Variants in B3GALT5 observed in about 807,000 individuals in gnomAD.
B3GALT5 encodes UDP-Gal:betaGlcNAc beta 1,3-galactosyltransferase, polypeptide 5.
For synonymous variants in B3GALT5, 156 were observed against 158.6 expected, an observed-to-expected ratio of 0.98 and a Z score of 0.12; for missense variants, 328 against 396.6, an observed-to-expected ratio of 0.83 and a Z score of 1.47.
rs190835844 is a variant in B3GALT5 at position 39,656,972 on chromosome 21, G to C, written c.-160-2781G>C. 5.6e-4 allele frequency among the ~76,000 whole-genome samples: 86 copies of C among 152,350 alleles called. No homozygotes were observed. The East Asian group carries it at 0.016, about 28-fold the overall frequency. Reference sequence around the variant, plus strand: ...TGCCCTTCAGGCACTATGGCCAGAAGGGGGGCAGTGACCTAGGCAGAGGGC... The same window carrying C: ...TGCCCTTCAGGCACTATGGCCAGAACGGGGGCAGTGACCTAGGCAGAGGGC... On this transcript the variant is annotated intron_variant, in intron 2 of 3. Coordinates refer to ENST00000684187, the MANE Select transcript of B3GALT5 (RefSeq NM_001356336.2).
At chr21:39,634,723 G>A (rs1333704722) in intron 1 of B3GALT5, among the ~76,000 whole-genome samples, 1 of 152,158 alleles carries the variant, frequency 6.6e-6, no homozygotes, top group African/African-American at 2.4e-5. Context: ...GGTTCTCAAA[G>A]TGTTGCCTGG....
intron 2 of B3GALT5, among the ~76,000 whole-genome samples, chr21:39,652,747 A>AT (rs2079407432): frequency 6.6e-6 from 1 of 152,244 alleles, no homozygotes; most frequent in Non-Finnish European, 1.5e-5. Flanking sequence ...TATCTGGCCA[A>AT]CTGATGTGTA....
intron 1 of B3GALT5, among the ~76,000 whole-genome samples, chr21:39,635,227 G>A (rs1602267170): frequency 6.6e-6 from 1 of 152,078 alleles, no homozygotes; most frequent in South Asian, 2.1e-4. Context: ...TGTTAGTGTT[G>A]GGAGGTAGCT....
At position 39,661,398 on chromosome 21, in the gene B3GALT5, G is replaced by A. The variant is rs200631873; in HGVS notation, c.839G>A (p.Arg280Lys). 2.6e-5 allele frequency: 41 copies of A among 1,574,518 alleles called. No individual in the cohort carries two copies. The Admixed American group carries it at 5.0e-4, about 19-fold the overall frequency. ...CGCTTCTCCGTATGCCTCTTCAGGA[G>A]GATCGTGGCCTGCCACTTCATCAAG... ...GLRFSVCLFRRIVACHFIKPR... is the reference protein window; with the variant it reads ...GLRFSVCLFRKIVACHFIKPR... Residue 280 changes from arginine (R) to lysine (K), a missense_variant, in exon 4 of 4, where the codon AGG becomes AAG. By Grantham distance (26) the Arg-to-Lys change is conservative. Transcript: ENST00000684187. The surrounding 1 kb of genome is among the most constrained non-coding windows in gnomAD (Gnocchi z 4.7).
chr21:39,628,451 G>A lies in B3GALT5; in HGVS notation c.-392+15384G>A, dbSNP rs147442191. Among the ~76,000 whole-genome samples the A allele has an allele frequency of 1.6e-4, 25 of 152,228 alleles. No individual in the cohort carries two copies. The East Asian group carries it at 4.4e-3, about 27-fold the overall frequency. On this transcript the variant is annotated intron_variant, in intron 1 of 3. Transcript: ENST00000684187. ...ATCTCTCATTCCACTCTCTACATCC[G>A]TGTGCACACGTTTTAGCACCCACTT...
intron 1 of B3GALT5, among the ~76,000 whole-genome samples, chr21:39,645,528 A>C (rs976748450): frequency 1.3e-5 from 2 of 152,168 alleles, no homozygotes; most frequent in African/African-American, 2.4e-5. Context: ...GGACTGCCCC[A>C]GCAGTGGTTT....
At position 39,662,312 on chromosome 21, in the gene B3GALT5, T is replaced by C. The variant is rs1602312463; in HGVS notation, c.*820T>C. ...CGAGCAGGACATCCCTTCTGAGCCA[T>C]CTGCTGCTCTCTCATTTCATCACCC... On this transcript the variant is annotated 3_prime_UTR_variant, in exon 4 of 4. Transcript: ENST00000684187. 1 of 167,262 alleles carries C rather than the reference T, an allele frequency of 6.0e-6. No homozygotes were observed. Among genetic ancestry groups the C allele is most frequent in the African/African-American group, 2.4e-5 (1 of 41,566 alleles). 10.4% of individuals were successfully genotyped at this position (167,262 alleles called of 1,614,324 possible). A position where few individuals can be genotyped will look rare whatever the true frequency, so the allele number is the denominator to read the frequency against.
chr21:39,661,303 CT>C lies in B3GALT5; in HGVS notation c.745del (p.Cys249AlafsTer5). 6.2e-7 allele frequency: 1 copy of C among 1,614,206 alleles called. No individual in the cohort carries two copies. Among genetic ancestry groups the C allele is most frequent in the African/African-American group, 1.3e-5 (1 of 75,060 alleles). On this transcript the variant is annotated frameshift_variant, in exon 4 of 4. Coordinates refer to ENST00000684187, the MANE Select transcript of B3GALT5 (RefSeq NM_001356336.2). LOFTEE classifies it low-confidence loss of function (END_TRUNC). The surrounding 1 kb of genome is among the most constrained non-coding windows in gnomAD (Gnocchi z 4.7). The part of the protein sequence containing the change: ...IKLEDVFVGL[C>X]LERLNIRLEE... ...AACTGGAAGACGTGTTTGTGGGGCT[CT>C]GCCTCGAAAGGCTGAACATCAGATT... is the stretch of plus-strand genomic sequence containing the variant.
chr21:39,627,035 G>A (rs1386597944), intron 1 of B3GALT5, among the ~76,000 whole-genome samples: 13 of 152,152 alleles, frequency 8.5e-5, no homozygotes, highest in African/African-American at 3.1e-4. Flanking sequence ...CTTTTCAGCT[G>A]TTGGTACTGT....
At chr21:39,651,304 G>T (rs1369563781) in intron 2 of B3GALT5, among the ~76,000 whole-genome samples, 1 of 152,210 alleles carries the variant, frequency 6.6e-6, no homozygotes, top group Non-Finnish European at 1.5e-5. Context: ...TCAGGGCTCT[G>T]GAGGCTGGAA....
At chr21:39,626,545 A>G (rs1376737179) in intron 1 of B3GALT5, among the ~76,000 whole-genome samples, 1 of 152,132 alleles carries the variant, frequency 6.6e-6, no homozygotes, top group African/African-American at 2.4e-5. Flanking sequence ...TATTCCCACC[A>G]GCAGAGCACA....
At chr21:39,659,603 T>G in intron 2 of B3GALT5, 150 bp from the exon 3 acceptor site, 72 of 243,230 alleles carry the variant, frequency 3.0e-4, no homozygotes, top group South Asian at 4.6e-4. Context: ...ATTTTACAGA[T>G]GAGAAAAGTG....
In B3GALT5 at chr21:39,663,536, G is replaced by T. The variant is rs1209612121; in HGVS notation, c.*2044G>T. 1 of 150,502 alleles carries T rather than the reference G, an allele frequency of 6.6e-6. No homozygotes were observed. Among genetic ancestry groups the T allele is most frequent in the Non-Finnish European group, 1.5e-5 (1 of 67,814 alleles). The allele number at this position is 150,502 out of a possible 1,614,324, so 9.3% of individuals were successfully genotyped here. A position where few individuals can be genotyped will look rare whatever the true frequency, so the allele number is the denominator to read the frequency against. On this transcript the variant is annotated 3_prime_UTR_variant, in exon 4 of 4. Coordinates refer to ENST00000684187, the MANE Select transcript of B3GALT5 (RefSeq NM_001356336.2). The stretch of plus-strand genomic sequence containing the variant: ...CCTGTCACCCAAGCTGGAGCGTAGT[G>T]GCCTGATCTCGCTGCAGCCTTGAAC...
chr21:39,628,600 A>G (rs1275951386), intron 1 of B3GALT5, among the ~76,000 whole-genome samples: 1 of 152,260 alleles, frequency 6.6e-6, no homozygotes, highest in Admixed American at 6.5e-5. Flanking sequence ...CCACTGGCTC[A>G]TACACAACCA....
intron 2 of B3GALT5, among the ~76,000 whole-genome samples, chr21:39,651,741 C>T (rs1458776046): frequency 2.0e-5 from 3 of 151,142 alleles, no homozygotes; most frequent in Non-Finnish European, 4.4e-5. Flanking sequence ...CTCCAAATAC[C>T]GGCGAAGCTA....
At chr21:39,632,588 C>A (rs1008917508) in intron 1 of B3GALT5, among the ~76,000 whole-genome samples, 8 of 152,112 alleles carry the variant, frequency 5.3e-5, no homozygotes, top group African/African-American at 1.9e-4. Flanking sequence ...AGGAAATGGC[C>A]CCCATTTTAA....
chr21:39,622,856 C>T (rs1303457710), intron 1 of B3GALT5, among the ~76,000 whole-genome samples: 1 of 151,214 alleles, frequency 6.6e-6, no homozygotes, highest in Non-Finnish European at 1.5e-5. Context: ...ACTTCTTTTG[C>T]TGGTTTTCAG....
At chr21:39,634,243 G>A (rs2079210864) in intron 1 of B3GALT5, among the ~76,000 whole-genome samples, 1 of 152,180 alleles carries the variant, frequency 6.6e-6, no homozygotes. Flanking sequence ...AAGAAGTAGA[G>A]GAAGGTCAGA....
intron 2 of B3GALT5, among the ~76,000 whole-genome samples, chr21:39,646,845 A>G (rs1238843186): frequency 6.6e-6 from 1 of 152,122 alleles, no homozygotes; most frequent in Non-Finnish European, 1.5e-5. Context: ...TCATGGCTCT[A>G]TTTTCAGCAC....
Sources: gnomAD v4.1 joint callset for allele counts (sites outside exome capture counted in the v4.1 genomes callset) on GRCh38, gnomAD v4.1.1 for gene constraint, Gnocchi (gnomAD v3.1) non-coding constraint, MANE v1.5 for transcripts, NCBI Gene and HGNC (gene_info 2026-07-23, HGNC 2026-07-21) for gene names.